KIAA1549L: variants seen among roughly 807,000 people sequenced by gnomAD.
KIAA1549L encodes KIAA1549 like.
KIAA1549L carries 88 observed loss-of-function variants against 160.7 expected under a neutral mutation model. The observed-to-expected ratio is 0.55, with a 90% CI of 0.46 to 0.65. The LOEUF (loss-of-function observed/expected upper bound fraction) is 0.65. KIAA1549L is among the 30% of genes least tolerant of loss of function. The probability of loss-of-function intolerance (pLI) is 0.00; values close to 1 mark genes in which losing one functional copy is unlikely to be tolerated. For synonymous variants in KIAA1549L, 950 were observed against 976.7 expected, an observed-to-expected ratio of 0.97 and a Z score of 0.51; for missense variants, 2,258 against 2,437.5, an observed-to-expected ratio of 0.93 and a Z score of 1.55.
intron 1 of KIAA1549L, among the ~76,000 whole-genome samples, chr11:33,398,950 G>GTTTTTTTTTTTTTTT (rs71034680): frequency 7.1e-6 from 1 of 140,012 alleles, no homozygotes. Flanking sequence ...TCCAGTGAGT[G>GTTTTTTTTTTTTTTT]TTTTTTTTTT....
chr11:33,665,757 C>T (rs762625911), intron 20 of KIAA1549L, among the ~76,000 whole-genome samples: 7 of 152,080 alleles, frequency 4.6e-5, no homozygotes, highest in Non-Finnish European at 7.4e-5. Context: ...CACCCCTTGC[C>T]ATTCATGGCC....
At chr11:33,575,560 A>G (rs1426063457) in intron 10 of KIAA1549L, among the ~76,000 whole-genome samples, 4 of 152,256 alleles carry the variant, frequency 2.6e-5, no homozygotes, top group Non-Finnish European at 5.9e-5. Context: ...ACTGAGGCTC[A>G]GAAAAATGAA....
intron 17 of KIAA1549L, among the ~76,000 whole-genome samples, chr11:33,650,253 A>G (rs1295946958): frequency 1.3e-5 from 2 of 152,184 alleles, no homozygotes; most frequent in African/African-American, 4.8e-5. Flanking sequence ...TCTGGTAAAT[A>G]AGTACCCTTA....
At chr11:33,623,487 A>G (rs1851014637) in intron 16 of KIAA1549L, among the ~76,000 whole-genome samples, 1 of 152,114 alleles carries the variant, frequency 6.6e-6, no homozygotes. Context: ...TCTCGACTTA[A>G]TTTACGGTAC....
chr11:33,577,124 G>C (rs1161828846), intron 10 of KIAA1549L, among the ~76,000 whole-genome samples: 1 of 152,306 alleles, frequency 6.6e-6, no homozygotes, highest in African/African-American at 2.4e-5. Flanking sequence ...AGCAAGGACA[G>C]CAGATCTCAC....
At chr11:33,438,191 C>A (rs762567937) in intron 1 of KIAA1549L, among the ~76,000 whole-genome samples, 1 of 152,184 alleles carries the variant, frequency 6.6e-6, no homozygotes, top group Non-Finnish European at 1.5e-5. Flanking sequence ...AATTCCTGGT[C>A]ATTTCTTGGG....
intron 1 of KIAA1549L, among the ~76,000 whole-genome samples, chr11:33,492,253 G>C (rs753427693): frequency 6.6e-6 from 1 of 152,178 alleles, no homozygotes; most frequent in African/African-American, 2.4e-5. Flanking sequence ...CTGTAATCCC[G>C]GCCACTGGGG....
chr11:33,521,762 T>G (rs1435943702), intron 1 of KIAA1549L, among the ~76,000 whole-genome samples: 1 of 152,230 alleles, frequency 6.6e-6, no homozygotes, highest in Non-Finnish European at 1.5e-5. Context: ...GCATTCTGGT[T>G]CTTTCTCTCT....
At chr11:33,595,594 T>C (rs1850177636) in intron 12 of KIAA1549L, among the ~76,000 whole-genome samples, 1 of 152,300 alleles carries the variant, frequency 6.6e-6, no homozygotes, top group African/African-American at 2.4e-5. Flanking sequence ...TCCAAAGCTG[T>C]AAGAGAAACC....
intron 10 of KIAA1549L, among the ~76,000 whole-genome samples, chr11:33,575,380 C>T (rs1225282715): frequency 2.6e-5 from 4 of 152,086 alleles, no homozygotes; most frequent in African/African-American, 9.7e-5. Context: ...GGGTTTGCTT[C>T]GAAGGGGCAT....
intron 11 of KIAA1549L, among the ~76,000 whole-genome samples, chr11:33,590,369 A>G (rs897232850): frequency 6.6e-6 from 1 of 152,152 alleles, no homozygotes; most frequent in Non-Finnish European, 1.5e-5. Flanking sequence ...TACCCACCAC[A>G]CTGTCCTGCC....
intron 1 of KIAA1549L, among the ~76,000 whole-genome samples, chr11:33,406,913 G>A (rs1359109972): frequency 6.6e-6 from 1 of 152,112 alleles, no homozygotes; most frequent in African/African-American, 2.4e-5. Context: ...GTTGCCTGCT[G>A]CTGGAGGTGT....
chr11:33,610,235 C>T (rs1158664772), intron 15 of KIAA1549L, among the ~76,000 whole-genome samples: 1 of 152,068 alleles, frequency 6.6e-6, no homozygotes, highest in Non-Finnish European at 1.5e-5. Context: ...GTTGCTTTTT[C>T]AGAGCTGAAT....
intron 17 of KIAA1549L, among the ~76,000 whole-genome samples, chr11:33,654,878 ATGT>A (rs1250512920): frequency 6.6e-6 from 1 of 152,150 alleles, no homozygotes; most frequent in African/African-American, 2.4e-5. Flanking sequence ...CCTTATGAAG[ATGT>A]AGTCTGCCAT....
chr11:33,519,692 C>G (rs1040022766), intron 1 of KIAA1549L, among the ~76,000 whole-genome samples: 1 of 152,180 alleles, frequency 6.6e-6, no homozygotes, highest in Admixed American at 6.5e-5. Context: ...AACAACTGTT[C>G]TTTCTTTAGA....
chr11:33,550,753 A>G (rs775529513), intron 4 of KIAA1549L, among the ~76,000 whole-genome samples: 2 of 152,188 alleles, frequency 1.3e-5, no homozygotes, highest in Admixed American at 6.5e-5. Context: ...CTTTTTGGTA[A>G]TAATAATTGA....
intron 1 of KIAA1549L, among the ~76,000 whole-genome samples, chr11:33,416,313 T>C (rs1223569317): frequency 6.6e-6 from 1 of 152,182 alleles, no homozygotes; most frequent in Non-Finnish European, 1.5e-5. Flanking sequence ...TTTTTAATTA[T>C]TACACTGTTG....
At chr11:33,438,640 C>A (rs1348229302) in intron 1 of KIAA1549L, among the ~76,000 whole-genome samples, 2 of 152,206 alleles carry the variant, frequency 1.3e-5, no homozygotes, top group African/African-American at 4.8e-5. Flanking sequence ...TAAAGAGGAA[C>A]CTGTGACGTC....
intron 1 of KIAA1549L, among the ~76,000 whole-genome samples, chr11:33,490,056 T>G (rs945262561): frequency 2.0e-5 from 3 of 152,154 alleles, no homozygotes; most frequent in African/African-American, 4.8e-5. Context: ...AGATTGATGG[T>G]AAATGGGAAG....
Sources: gnomAD v4.1 joint callset for allele counts (sites outside exome capture counted in the v4.1 genomes callset) on GRCh38, gnomAD v4.1.1 for gene constraint, MANE v1.5 for transcripts, NCBI Gene and HGNC (gene_info 2026-07-23, HGNC 2026-07-21) for gene names.